The following SOD1 variants were observed in gnomAD, a reference collection of about 807,000 sequenced individuals.
The protein encoded by SOD1 is superoxide dismutase [Cu-Zn].
Under a neutral mutation model 15.9 loss-of-function variants are expected in SOD1, and 8 were observed. That is an observed-to-expected ratio of 0.50 (90% CI 0.30 to 0.91). The LOEUF is 0.91. Among genes scored for constraint, SOD1 ranks in the 40% least tolerant of loss-of-function variants. The probability of loss-of-function intolerance (pLI) is 0.07; values close to 1 mark genes in which losing one functional copy is unlikely to be tolerated. For synonymous variants in SOD1, 86 were observed against 71.2 expected (o/e 1.21, Z -1.04); for missense variants, 137 against 194.5 (o/e 0.70, Z 1.76).
intron 2 of SOD1, among the ~76,000 whole-genome samples, chr21:31,665,947 G>C (rs1601157336): frequency 1.3e-5 from 2 of 151,266 alleles, no homozygotes; most frequent in South Asian, 2.1e-4. Context: ...ACAAGTGTCA[G>C]ACAGTAGTTA....
chr21:31,664,588 C>G (rs889383964), intron 2 of SOD1: 4 of 153,384 alleles, frequency 2.6e-5, no homozygotes, highest in Non-Finnish European at 5.8e-5. Context: ...GATGTTTTGT[C>G]TTACAGCATC....
At chr21:31,660,761 A>G (rs1182020471) in intron 1 of SOD1, 1 of 152,230 alleles carries the variant, frequency 6.6e-6, no homozygotes, top group Non-Finnish European at 1.5e-5. Context: ...ATGTGCACCT[A>G]CGATTGAGAA....
In SOD1 at chr21:31,667,612, G is replaced by A. The variant is rs544820540; in HGVS notation, c.357+237G>A. Among the ~76,000 whole-genome samples the A allele has an allele frequency of 4.6e-5, 7 of 152,352 alleles. No homozygotes were observed. The South Asian group carries it at 8.3e-4, about 18-fold the overall frequency. On this transcript the variant is annotated intron_variant, in intron 4 of 4. Transcript: ENST00000270142. ...AAGCAGGTTACATTTGACCATATTAGATCTGAGTTTGGAAAACAGAAGTAG... is the reference window on the plus strand; with the variant it reads ...AAGCAGGTTACATTTGACCATATTAAATCTGAGTTTGGAAAACAGAAGTAG...
Position 31,664,637 on chromosome 21 carries a change from G to C in SOD1, c.169+751G>C, listed in dbSNP as rs183603801. 1.1e-4 allele frequency among the ~76,000 whole-genome samples: 17 copies of C among 152,086 alleles called. No homozygotes were observed. In the East Asian group the frequency reaches 2.1e-3, roughly 19 times the overall value. On this transcript the variant is annotated intron_variant, in intron 2 of 4. Coordinates refer to ENST00000270142, the MANE Select transcript of SOD1 (RefSeq NM_000454.5). ...GTGTTTTTTTGTTTGTTTGTTTTTT[G>C]AGACGGAGTCTTACTCTGTGGCCCA...
At chr21:31,660,522 G>A (rs1267529009) in intron 1 of SOD1, 2 of 152,270 alleles carry the variant, frequency 1.3e-5, no homozygotes, top group Admixed American at 6.5e-5. Context: ...AGAGAAGGTA[G>A]CCTTGAACAG....
In SOD1 at chr21:31,665,456, T is replaced by C. The variant is rs2049584961; in HGVS notation, c.170-993T>C. Reference sequence around the variant, plus strand: ...TGTAATTGCTGAAATTCCCCCGAGTTGCTTTTTGGCTTTACCGCCTCTGGT... The same window carrying C: ...TGTAATTGCTGAAATTCCCCCGAGTCGCTTTTTGGCTTTACCGCCTCTGGT... On this transcript the variant is annotated intron_variant, in intron 2 of 4. Transcript: ENST00000270142. 2.0e-5 allele frequency among the ~76,000 whole-genome samples: 3 copies of C among 152,222 alleles called. No homozygotes were observed. In the South Asian group the frequency reaches 6.2e-4, roughly 31 times the overall value.
chr21:31,659,790 C>T lies in SOD1; in HGVS notation c.21C>T (p.Cys7=). The T allele has an allele frequency of 6.2e-7, 1 of 1,613,906 alleles. No homozygotes were observed. Among genetic ancestry groups the T allele is most frequent in the South Asian group, 1.1e-5 (1 of 91,088 alleles). The change falls in exon 1 of 5, where the codon TGC becomes TGT. Residue 7 remains cysteine, a synonymous_variant. Coordinates refer to ENST00000270142, the MANE Select transcript of SOD1 (RefSeq NM_000454.5). ...GAGTTATGGCGACGAAGGCCGTGTG[C>T]GTGCTGAAGGGCGACGGCCCAGTGC... is the stretch of plus-strand genomic sequence containing the variant. MATKAV[C]VLKGDGPVQG...
chr21:31,668,415 G>A, intron 4 of SOD1, 56 bp from the exon 5 acceptor site: 2 of 1,102,512 alleles, frequency 1.8e-6, no homozygotes, highest in Non-Finnish European at 2.8e-6. Context: ...GGTATTGTTG[G>A]GAGGAGGTAG....
Position 31,659,709 on chromosome 21 carries a change from C to G in SOD1, c.-61C>G, listed in dbSNP as rs938894400. On this transcript the variant is annotated 5_prime_UTR_variant, in exon 1 of 5. Coordinates refer to ENST00000270142, the MANE Select transcript of SOD1 (RefSeq NM_000454.5). The stretch of plus-strand genomic sequence containing the variant: ...TGCTGGTTTGCGTCGTAGTCTCCTG[C>G]AGCGTCTGGGGTTTCCGTTGCAGTC... 1.1e-5 allele frequency: 17 copies of G among 1,560,670 alleles called. No homozygotes were observed. The highest frequency in any genetic ancestry group is 2.7e-5 in the African/African-American group (2 of 73,862).
chr21:31,663,207 G>A (rs912271243), intron 1 of SOD1, among the ~76,000 whole-genome samples: 1 of 149,790 alleles, frequency 6.7e-6, no homozygotes, highest in Non-Finnish European at 1.5e-5. Flanking sequence ...CCAGAGTGTA[G>A]GATGAGACAT....
At chr21:31,667,564 CTG>C (rs1424369309) in intron 4 of SOD1, among the ~76,000 whole-genome samples, 189 bp downstream of exon 4, 1 of 152,192 alleles carries the variant, frequency 6.6e-6, no homozygotes, top group African/African-American at 2.4e-5. Context: ...GTTAAGAACA[CTG>C]TTCTGCTAAG....
At chr21:31,663,426 T>A (rs1164259839) in intron 1 of SOD1, among the ~76,000 whole-genome samples, 1 of 152,232 alleles carries the variant, frequency 6.6e-6, no homozygotes, top group Admixed American at 6.5e-5. Context: ...AAATAGGTAC[T>A]TACATTACCT....
chr21:31,660,635 A>G (rs2049540610), intron 1 of SOD1: 2 of 152,180 alleles, frequency 1.3e-5, no homozygotes, highest in African/African-American at 2.4e-5. Context: ...CAGTTAGCTT[A>G]TTTGAAGATC....
At chr21:31,667,752 A>G (rs1472295645) in intron 4 of SOD1, among the ~76,000 whole-genome samples, 1 of 152,202 alleles carries the variant, frequency 6.6e-6, no homozygotes, top group Non-Finnish European at 1.5e-5. Flanking sequence ...ATGTTCATTC[A>G]TGTTCATTCA....
intron 3 of SOD1, 186 bp from the exon 4 acceptor site, chr21:31,667,072 G>A: frequency 1.6e-6 from 1 of 637,266 alleles, no homozygotes; most frequent in Admixed American, 2.3e-5. Flanking sequence ...ATCAGGTGCA[G>A]CCCCATCTTT....
Position 31,662,397 on chromosome 21 carries a change from CTGT to C in SOD1, c.73-1390_73-1388del, listed in dbSNP as rs17880208. Among the ~76,000 whole-genome samples, 1,024 of 152,312 alleles carry C rather than the reference CTGT, an allele frequency of 6.7e-3. 13 individuals are homozygous for C. The highest frequency in any genetic ancestry group is 0.023 in the African/African-American group (964 of 41,564). ...CATCTTAAGGGTTAATGCCCCTTAA[CTGT>C]TGGCCGTATTTGAAAACAAACCAAG... is the stretch of plus-strand genomic sequence containing the variant. On this transcript the variant is annotated intron_variant, in intron 1 of 4. Coordinates refer to ENST00000270142, the MANE Select transcript of SOD1 (RefSeq NM_000454.5).
At chr21:31,668,338 T>G (rs2049616186) in intron 4 of SOD1, 133 bp from the exon 5 acceptor site, 1 of 683,602 alleles carries the variant, frequency 1.5e-6, no homozygotes, top group Non-Finnish European at 2.6e-6. Context: ...CTACTAAATA[T>G]TAGTATATCT....
At chr21:31,665,836 C>G (rs1237660291) in intron 2 of SOD1, among the ~76,000 whole-genome samples, 1 of 152,124 alleles carries the variant, frequency 6.6e-6, no homozygotes, top group Non-Finnish European at 1.5e-5. Context: ...GAATTTGGAT[C>G]ATAACCATGG....
At chr21:31,667,175 A>C (rs2049600956) in intron 3 of SOD1, 83 bp from the exon 4 acceptor site, 2 of 1,063,728 alleles carry the variant, frequency 1.9e-6, no homozygotes, top group Non-Finnish European at 2.9e-6. Flanking sequence ...GTGTCTACTC[A>C]GTCAAGTTTT....
Sources: gnomAD v4.1 joint callset for allele counts (sites outside exome capture counted in the v4.1 genomes callset) on GRCh38, gnomAD v4.1.1 for gene constraint, MANE v1.5 for transcripts, NCBI Gene and HGNC (gene_info 2026-07-23, HGNC 2026-07-21) for gene names.